ABCC4: variants seen among roughly 807,000 people sequenced by gnomAD.
ABCC4 encodes ATP-binding cassette sub-family C member 4.
Under a neutral mutation model 168.5 loss-of-function variants are expected in ABCC4, and 102 were observed. The observed-to-expected ratio is 0.61, with a 90% CI of 0.52 to 0.71. The LOEUF is 0.71. ABCC4 is among the 30% of genes least tolerant of loss of function. The pLI is 0.00. For synonymous variants in ABCC4, 617 were observed against 590.7 expected (o/e 1.04, Z -0.65); for missense variants, 1,402 against 1,605.8 (o/e 0.87, Z 2.17).
intron 20 of ABCC4, among the ~76,000 whole-genome samples, chr13:95,093,796 T>C (rs921249565): frequency 4.6e-5 from 7 of 152,262 alleles, no homozygotes; most frequent in Admixed American, 2.0e-4. Flanking sequence ...AGAAAGCTCC[T>C]AGAACTGATA....
intron 3 of ABCC4, among the ~76,000 whole-genome samples, chr13:95,241,427 T>G (rs2039941488): frequency 6.6e-6 from 1 of 151,754 alleles, no homozygotes; most frequent in African/African-American, 2.4e-5. Context: ...TTCAACTATC[T>G]AAAATACAAA....
chr13:95,299,915 C>T (rs1254405018), intron 1 of ABCC4, among the ~76,000 whole-genome samples: 1 of 152,188 alleles, frequency 6.6e-6, no homozygotes, highest in Non-Finnish European at 1.5e-5. Flanking sequence ...GATCTCAGCT[C>T]ACTGCAACCT....
intron 1 of ABCC4, among the ~76,000 whole-genome samples, chr13:95,279,021 A>G (rs2041046195): frequency 6.6e-6 from 1 of 152,118 alleles, no homozygotes; most frequent in Non-Finnish European, 1.5e-5. Context: ...GTGATCTAAT[A>G]GACAATCCAG....
intron 11 of ABCC4, among the ~76,000 whole-genome samples, chr13:95,183,243 T>C (rs1245343241): frequency 6.6e-6 from 1 of 152,192 alleles, no homozygotes; most frequent in Non-Finnish European, 1.5e-5. Context: ...GCAGTCTTTA[T>C]AATCCTGCTG....
chr13:95,267,797 G>C (rs958267914), intron 1 of ABCC4, among the ~76,000 whole-genome samples: 1 of 152,304 alleles, frequency 6.6e-6, no homozygotes. Context: ...GATGGGGGCT[G>C]TGCATATCAC....
intron 4 of ABCC4, among the ~76,000 whole-genome samples, chr13:95,224,935 G>A (rs2039412348): frequency 6.6e-6 from 1 of 151,988 alleles, no homozygotes; most frequent in Non-Finnish European, 1.5e-5. Flanking sequence ...AATATTGTAT[G>A]GCGGTGAAGA....
chr13:95,070,611 G>A (rs531802337), intron 25 of ABCC4, among the ~76,000 whole-genome samples: 1 of 152,242 alleles, frequency 6.6e-6, no homozygotes, highest in African/African-American at 2.4e-5. Context: ...CTGACTTTGA[G>A]TGAGTCTCTG....
chr13:95,122,371 C>A (rs1325174749), intron 19 of ABCC4, among the ~76,000 whole-genome samples: 1 of 152,144 alleles, frequency 6.6e-6, no homozygotes, highest in Non-Finnish European at 1.5e-5. Context: ...CTTCTCAAAC[C>A]CTACCTTAGA....
intron 4 of ABCC4, among the ~76,000 whole-genome samples, chr13:95,217,204 C>A (rs1261481603): frequency 6.6e-6 from 1 of 152,158 alleles, no homozygotes; most frequent in African/African-American, 2.4e-5. Context: ...AAAAATAAAT[C>A]ATGTAATATC....
chr13:95,239,993 G>C lies in ABCC4; in HGVS notation c.307-5159C>G, dbSNP rs1468916654. Among the ~76,000 whole-genome samples, 13 of 152,146 alleles carry C rather than the reference G, an allele frequency of 8.5e-5. No homozygotes were observed. The South Asian group carries it at 1.9e-3, about 22-fold the overall frequency. ...CACACACATAACCAGACCTAAGCGA[G>C]GTATCTCGAAGTGGCAGGTGGTACA... On this transcript the variant is annotated intron_variant, in intron 3 of 30. Transcript: ENST00000645237.
chr13:95,291,023 C>T (rs1357165650), intron 1 of ABCC4, among the ~76,000 whole-genome samples: 2 of 92,028 alleles, frequency 2.2e-5, no homozygotes, highest in Admixed American at 1.2e-4. Flanking sequence ...GGAAACCATG[C>T]CAAATGACTT....
chr13:95,165,844 AAGT>A (rs1400218410), intron 15 of ABCC4, among the ~76,000 whole-genome samples: 2 of 152,206 alleles, frequency 1.3e-5, no homozygotes, highest in African/African-American at 2.4e-5. Context: ...CCACCAGACT[AAGT>A]AGGATTTCAC....
At chr13:95,257,494 C>T (rs1003803604) in intron 1 of ABCC4, among the ~76,000 whole-genome samples, 1 of 152,048 alleles carries the variant, frequency 6.6e-6, no homozygotes, top group African/African-American at 2.4e-5. Flanking sequence ...AATGGTGAAA[C>T]CCTGTCTCTA....
At chr13:95,139,020 C>T (rs1027067936) in intron 19 of ABCC4, among the ~76,000 whole-genome samples, 2 of 152,182 alleles carry the variant, frequency 1.3e-5, no homozygotes, top group Non-Finnish European at 2.9e-5. Flanking sequence ...CCTGTACTCC[C>T]GTGGCCCCTG....
chr13:95,251,872 T>G (rs961225657), intron 1 of ABCC4, among the ~76,000 whole-genome samples: 4 of 152,210 alleles, frequency 2.6e-5, no homozygotes, highest in Non-Finnish European at 4.4e-5. Flanking sequence ...CACAGTTGAC[T>G]GAAAAGATTA....
intron 30 of ABCC4, among the ~76,000 whole-genome samples, chr13:95,031,144 T>G (rs117958596): frequency 1.3e-5 from 2 of 152,332 alleles, no homozygotes; most frequent in Non-Finnish European, 2.9e-5. Context: ...ATTTAAAAGG[T>G]TGACAATCTG....
At chr13:95,286,829 C>T (rs903619468) in intron 1 of ABCC4, among the ~76,000 whole-genome samples, 43 of 151,726 alleles carry the variant, frequency 2.8e-4, no homozygotes, top group African/African-American at 8.0e-4. Flanking sequence ...TGGTGGCACA[C>T]GCCTGTAATC....
intron 20 of ABCC4, among the ~76,000 whole-genome samples, chr13:95,103,652 C>T (rs1353816633): frequency 7.2e-5 from 11 of 152,210 alleles, no homozygotes; most frequent in South Asian, 2.1e-4. Context: ...GCATTCTGAC[C>T]TGGATGTCCT....
At chr13:95,125,635 T>A (rs1431019647) in intron 19 of ABCC4, among the ~76,000 whole-genome samples, 2 of 152,158 alleles carry the variant, frequency 1.3e-5, no homozygotes, top group Admixed American at 1.3e-4. Flanking sequence ...TCCCAGACCT[T>A]AACATGCTGT....
Sources: gnomAD v4.1 joint callset for allele counts (sites outside exome capture counted in the v4.1 genomes callset) on GRCh38, gnomAD v4.1.1 for gene constraint, MANE v1.5 for transcripts, NCBI Gene and HGNC (gene_info 2026-07-23, HGNC 2026-07-21) for gene names.